Variants in KCTD9 observed in about 807,000 individuals in gnomAD.
KCTD9 encodes BTB/POZ domain-containing protein KCTD9.
In KCTD9, 17 loss-of-function variants were observed where a neutral mutation model predicts 53.3. The ratio of observed to expected loss-of-function variants is 0.32; its 90% CI spans 0.22 to 0.48. KCTD9 has a LOEUF of 0.48. Ranked by LOEUF, KCTD9 falls within the 20% of genes least tolerant of loss-of-function variation. The probability of loss-of-function intolerance (pLI) is 0.99; values close to 1 mark genes in which losing one functional copy is unlikely to be tolerated. For synonymous variants in KCTD9, 128 were observed against 162.7 expected (o/e 0.79, Z 1.62); for missense variants, 179 against 465.5 (o/e 0.38, Z 5.66).
At chr8:25,441,064 G>A (rs1252718670) in intron 3 of KCTD9, among the ~76,000 whole-genome samples, 2 of 151,668 alleles carry the variant, frequency 1.3e-5, no homozygotes, top group Non-Finnish European at 2.9e-5. Flanking sequence ...TTATAGGGCT[G>A]AAAATAAACT....
chr8:25,435,575 A>C, intron 8 of KCTD9, 63 bp from the exon 9 acceptor site: 1 of 1,445,958 alleles, frequency 6.9e-7, no homozygotes, highest in Non-Finnish European at 9.3e-7. Context: ...AAATTTAATT[A>C]CTATAGCTAA....
In KCTD9 at chr8:25,433,353, GA is replaced by G; in HGVS notation, c.895del (p.Ser299LeufsTer7). On this transcript the variant is annotated frameshift_variant, in exon 10 of 12. Transcript: ENST00000221200. LOFTEE classifies it high-confidence loss of function. Reference sequence around the variant, plus strand: ...ACCTTCTAAATTGGCTTTAAGACCAGAAGGATCCTCAAAATTACACAGTTTC... The same window carrying G: ...ACCTTCTAAATTGGCTTTAAGACCAGAGGATCCTCAAAATTACACAGTTTC... Reference protein sequence around the residue: ...SLKLCNFEDPSGLKANLEGAN... With the variant: ...SLKLCNFEDPXGLKANLEGAN... 1 of 1,603,126 alleles carries G rather than the reference GA, an allele frequency of 6.2e-7. No individual in the cohort carries two copies. The highest frequency in any genetic ancestry group is 1.1e-5 in the South Asian group (1 of 90,606).
intron 1 of KCTD9, 131 bp downstream of exon 1, chr8:25,458,068 G>A (rs1283918786): frequency 3.5e-6 from 3 of 864,920 alleles, no homozygotes; most frequent in African/African-American, 3.4e-5. Context: ...CTGTCCCCGA[G>A]CGCCCCCAGC....
Position 25,428,494 on chromosome 8 carries a change from T to C in KCTD9, c.*1363A>G, listed in dbSNP as rs1051011312. On this transcript the variant is annotated 3_prime_UTR_variant, in exon 12 of 12. Transcript: ENST00000221200. ...TGGTTTTCAATGATTCCTTGCCTCA[T>C]GTTGATGAGTCTGTAGAATTCAGAA... is the stretch of plus-strand genomic sequence containing the variant. 2 of 152,490 alleles carry C rather than the reference T, an allele frequency of 1.3e-5. No homozygotes were observed. The highest frequency in any genetic ancestry group is 1.3e-4 in the Admixed American group (2 of 15,250). The allele number at this position is 152,490 out of a possible 1,614,324, so 9.4% of individuals were successfully genotyped here. A position where few individuals can be genotyped will look rare whatever the true frequency, so the allele number is the denominator to read the frequency against.
rs1802466141 is a variant in KCTD9, at chr8:25,457,310, G to C, written c.48+889C>G. ...ACCCATTTACCTTTACCTTAGACTC[G>C]TAAAGGCTGAGTTACTTCTAGGTAT... is the stretch of plus-strand genomic sequence containing the variant. On this transcript the variant is annotated intron_variant, in intron 1 of 11. Coordinates refer to ENST00000221200, the MANE Select transcript of KCTD9 (RefSeq NM_017634.4). 5 of 971,206 alleles carry C rather than the reference G, an allele frequency of 5.1e-6. 1 individual carries two copies. In the South Asian group the frequency reaches 2.4e-4, roughly 46 times the overall value. 60.2% of individuals were successfully genotyped at this position (971,206 alleles called of 1,614,324 possible).
intron 4 of KCTD9, 151 bp downstream of exon 4, chr8:25,440,426 T>C: frequency 3.3e-6 from 2 of 597,230 alleles, no homozygotes. Flanking sequence ...TGTTTTTTTC[T>C]TCAAAAAAAG....
intron 8 of KCTD9, 38 bp downstream of exon 8, chr8:25,436,197 G>T: frequency 8.3e-7 from 1 of 1,208,564 alleles, no homozygotes; most frequent in Non-Finnish European, 1.2e-6. Context: ...TCATAGATTT[G>T]CTGATAGAAA....
At position 25,435,290 on chromosome 8, in the gene KCTD9, T is replaced by G. The variant is rs555790648; in HGVS notation, c.813+73A>C. On this transcript the variant is annotated intron_variant, in intron 9 of 11. Transcript: ENST00000221200. ...CAGTAAAAGATAGTTATAATTCCTG[T>G]CTCAAAGGCTCTTTGAGACTGTTCA... 38 of 982,826 alleles carry G rather than the reference T, an allele frequency of 3.9e-5. No homozygotes were observed. In the African/African-American group the frequency reaches 5.7e-4, roughly 15 times the overall value. The allele number at this position is 982,826 out of a possible 1,614,324, so 60.9% of individuals were successfully genotyped here. A position where few individuals can be genotyped will look rare whatever the true frequency, so the allele number is the denominator to read the frequency against.
intron 1 of KCTD9, chr8:25,457,368 C>G: frequency 4.1e-6 from 4 of 985,144 alleles, no homozygotes; most frequent in Non-Finnish European, 4.8e-6. Flanking sequence ...CTGCCTCGAA[C>G]AGTGAAAATT....
intron 1 of KCTD9, among the ~76,000 whole-genome samples, chr8:25,452,128 T>C (rs558516317): frequency 9.2e-5 from 14 of 152,298 alleles, no homozygotes; most frequent in Admixed American, 7.8e-4. Context: ...AGTAACTAAA[T>C]ACAGAACTCA....
chr8:25,455,974 T>G (rs1472782180), intron 1 of KCTD9, among the ~76,000 whole-genome samples: 1 of 152,220 alleles, frequency 6.6e-6, no homozygotes, highest in Non-Finnish European at 1.5e-5. Context: ...GTCATCTCAC[T>G]CCAGAAACCA....
chr8:25,457,139 T>C (rs1181121372), intron 1 of KCTD9, among the ~76,000 whole-genome samples: 1 of 152,212 alleles, frequency 6.6e-6, no homozygotes, highest in Non-Finnish European at 1.5e-5. Flanking sequence ...AACCACACTC[T>C]GGTTCGAATT....
At chr8:25,444,810 A>T (rs558529002) in intron 2 of KCTD9, among the ~76,000 whole-genome samples, 1 of 152,266 alleles carries the variant, frequency 6.6e-6, no homozygotes, top group South Asian at 2.1e-4. Context: ...CATCCACCAT[A>T]CACCCAAATG....
intron 2 of KCTD9, among the ~76,000 whole-genome samples, chr8:25,444,661 C>A (rs1399208152): frequency 6.6e-6 from 1 of 152,118 alleles, no homozygotes; most frequent in Non-Finnish European, 1.5e-5. Flanking sequence ...AAGTCACAGC[C>A]AACTATTCTT....
At chr8:25,447,577 T>C (rs1354265791) in intron 1 of KCTD9, among the ~76,000 whole-genome samples, 1 of 152,154 alleles carries the variant, frequency 6.6e-6, no homozygotes, top group Non-Finnish European at 1.5e-5. Context: ...ATGGAGGACA[T>C]GGAAAAAGCT....
At chr8:25,447,759 C>T (rs567560049) in intron 1 of KCTD9, among the ~76,000 whole-genome samples, 10 of 152,114 alleles carry the variant, frequency 6.6e-5, no homozygotes, top group African/African-American at 1.2e-4. Flanking sequence ...TAATGTACAA[C>T]CCAAGTGTCC....
intron 6 of KCTD9, among the ~76,000 whole-genome samples, chr8:25,438,938 ATTC>A (rs1802068536): frequency 1.3e-5 from 2 of 152,228 alleles, no homozygotes; most frequent in South Asian, 2.1e-4. Flanking sequence ...GCCAAGTTAC[ATTC>A]TTAATTCAAT....
chr8:25,447,343 C>T (rs1802232020), intron 1 of KCTD9, among the ~76,000 whole-genome samples: 1 of 152,096 alleles, frequency 6.6e-6, no homozygotes. Context: ...GCCAAGGTTG[C>T]ACCACTGCAC....
At chr8:25,435,546 T>C (rs1244598752) in intron 8 of KCTD9, 34 bp from the exon 9 acceptor site, 1 of 1,565,034 alleles carries the variant, frequency 6.4e-7, no homozygotes, top group South Asian at 1.2e-5. Context: ...TCACCATAAC[T>C]AAATCGTCTG....
Sources: allele counts gnomAD v4.1 joint callset (sites outside exome capture counted in the v4.1 genomes callset), GRCh38; gene constraint gnomAD v4.1.1; transcripts MANE v1.5; gene names NCBI Gene and HGNC (gene_info 2026-07-23, HGNC 2026-07-21).